Variants in KCNMA1 observed in about 807,000 individuals in gnomAD.
KCNMA1 encodes the protein Calcium-activated potassium channel subunit alpha-1.
KCNMA1 carries 29 observed loss-of-function variants against 140.0 expected under a neutral mutation model. That is an observed-to-expected ratio of 0.21 (90% confidence interval 0.15 to 0.28). The LOEUF is 0.28. KCNMA1 is among the 10% of genes least tolerant of loss of function. The pLI is 1.00. For missense variants in KCNMA1, 880 were observed against 1,602.2 expected, an observed-to-expected ratio of 0.55 and a Z score of 7.70; for synonymous variants, 612 against 611.9, an observed-to-expected ratio of 1.00 and a Z score of 0.00.
At chr10:77,555,495 C>T (rs529623853) in intron 1 of KCNMA1, among the ~76,000 whole-genome samples, 59 of 152,200 alleles carry the variant, frequency 3.9e-4, no homozygotes, top group Non-Finnish European at 7.5e-4. Flanking sequence ...GACACTTCAG[C>T]ATCACCTATT....
At chr10:77,232,890 T>TA (rs2154209927) in intron 3 of KCNMA1, among the ~76,000 whole-genome samples, 1 of 123,522 alleles carries the variant, frequency 8.1e-6, no homozygotes, top group African/African-American at 3.0e-5. Context: ...AGCACCATTT[T>TA]TTTTTTTTTT....
chr10:77,419,071 C>T (rs1233939697), intron 1 of KCNMA1, among the ~76,000 whole-genome samples: 2 of 152,166 alleles, frequency 1.3e-5, no homozygotes, highest in African/African-American at 4.8e-5. Flanking sequence ...ACCTGAAGAC[C>T]CACAATCTCC....
At chr10:77,330,297 A>G (rs1602760595) in intron 2 of KCNMA1, among the ~76,000 whole-genome samples, 1 of 151,808 alleles carries the variant, frequency 6.6e-6, no homozygotes, top group South Asian at 2.1e-4. Flanking sequence ...CAACAGAGCC[A>G]CTCTCCACTC....
rs542036226 is a variant in KCNMA1 at position 76,937,335 on chromosome 10, C to T, written c.2902+7438G>A. On this transcript the variant is annotated intron_variant, in intron 23 of 27. Transcript: ENST00000286628. ...TGTCCAGGCACTGCCCCATTCTGGC[C>T]GTCCTCTTTACAACATTTTTCTGTT... is the stretch of plus-strand genomic sequence containing the variant. Among the ~76,000 whole-genome samples, 49 of 152,314 alleles carry T rather than the reference C, an allele frequency of 3.2e-4. 1 individual carries two copies. The South Asian group carries it at 8.3e-3, about 26-fold the overall frequency.
At chr10:77,038,541 T>A (rs1339268276) in intron 15 of KCNMA1, among the ~76,000 whole-genome samples, 3 of 152,096 alleles carry the variant, frequency 2.0e-5, no homozygotes, top group Non-Finnish European at 4.4e-5. Context: ...ACATCTGAGA[T>A]TTTTTATTAT....
At chr10:77,112,666 A>G (rs982770446) in intron 6 of KCNMA1, among the ~76,000 whole-genome samples, 4 of 152,182 alleles carry the variant, frequency 2.6e-5, no homozygotes, top group Non-Finnish European at 5.9e-5. Flanking sequence ...ATTAACTTTT[A>G]TTTAAAAAAC....
intron 2 of KCNMA1, among the ~76,000 whole-genome samples, chr10:77,360,903 G>A (rs1035964989): frequency 6.6e-6 from 1 of 152,160 alleles, no homozygotes; most frequent in Admixed American, 6.5e-5. Context: ...CTCACTGCCA[G>A]GATGAGGGAG....
At chr10:76,911,307 C>A (rs2050135059) in intron 24 of KCNMA1, 1 of 152,044 alleles carries the variant, frequency 6.6e-6, no homozygotes, top group Non-Finnish European at 1.5e-5. Flanking sequence ...ATCTTGTTTC[C>A]CCAGAGAAAA....
At chr10:77,610,948 A>G (rs2086627620) in intron 1 of KCNMA1, among the ~76,000 whole-genome samples, 1 of 152,250 alleles carries the variant, frequency 6.6e-6, no homozygotes, top group Admixed American at 6.5e-5. Flanking sequence ...TCTGGAGTCC[A>G]ACTGTCCAGG....
chr10:77,033,902 C>T (rs1379475707), intron 15 of KCNMA1, among the ~76,000 whole-genome samples: 4 of 152,158 alleles, frequency 2.6e-5, no homozygotes, highest in Non-Finnish European at 5.9e-5. Context: ...ACTCCCCAAT[C>T]AAGTGGATGA....
At chr10:76,948,908 A>T (rs767040526) in intron 22 of KCNMA1, 2 of 586,618 alleles carry the variant, frequency 3.4e-6, no homozygotes, top group South Asian at 4.0e-5. Flanking sequence ...TACTTGATAC[A>T]AGCTAAACTT....
intron 19 of KCNMA1, among the ~76,000 whole-genome samples, chr10:77,000,652 C>G (rs566825081): frequency 1.3e-3 from 201 of 151,876 alleles, no homozygotes; most frequent in African/African-American, 4.8e-3. Context: ...TGCAAGATAC[C>G]TTAGTTAAAC....
intron 1 of KCNMA1, among the ~76,000 whole-genome samples, chr10:77,443,987 TTA>T (rs1173532867): frequency 6.6e-6 from 1 of 152,188 alleles, no homozygotes; most frequent in Non-Finnish European, 1.5e-5. Context: ...CCTTTACAAA[TTA>T]TATGACTATA....
At chr10:77,107,522 C>T (rs945259735) in intron 9 of KCNMA1, among the ~76,000 whole-genome samples, 2 of 152,194 alleles carry the variant, frequency 1.3e-5, no homozygotes, top group African/African-American at 4.8e-5. Context: ...CCCCCTCTCC[C>T]CCATGGCATT....
chr10:77,333,306 G>A lies in KCNMA1; in HGVS notation c.540+70556C>T, dbSNP rs181215560. ...AGTACTTTGGGAGGATTGAACCCAG[G>A]AGTTTGAGACCAGCCTGTGCAACAT... On this transcript the variant is annotated intron_variant, in intron 2 of 27. Coordinates refer to ENST00000286628, the MANE Select transcript of KCNMA1 (RefSeq NM_001161352.2). Among the ~76,000 whole-genome samples the A allele has an allele frequency of 1.0e-3, 148 of 145,824 alleles. 1 individual carries two copies. Among genetic ancestry groups the A allele is most frequent in the African/African-American group, 3.6e-3 (143 of 39,238 alleles).
At chr10:77,310,985 C>T (rs116188039) in intron 2 of KCNMA1, among the ~76,000 whole-genome samples, 256 of 152,280 alleles carry the variant, frequency 1.7e-3, no homozygotes, top group African/African-American at 5.7e-3. Flanking sequence ...CTCTTCATTG[C>T]AGATTTTCTT....
chr10:76,922,108 T>G (rs1323760373), intron 23 of KCNMA1, among the ~76,000 whole-genome samples: 1 of 152,176 alleles, frequency 6.6e-6, no homozygotes, highest in Non-Finnish European at 1.5e-5. Flanking sequence ...ATGACAGTGC[T>G]TGGAAACTGT....
At chr10:77,509,950 C>T (rs1258358440) in intron 1 of KCNMA1, among the ~76,000 whole-genome samples, 1 of 151,938 alleles carries the variant, frequency 6.6e-6, no homozygotes, top group Non-Finnish European at 1.5e-5. Flanking sequence ...CAAGACCCTA[C>T]AACCTTATGG....
At chr10:77,029,819 A>G (rs952934853) in intron 15 of KCNMA1, among the ~76,000 whole-genome samples, 1 of 152,186 alleles carries the variant, frequency 6.6e-6, no homozygotes, top group Non-Finnish European at 1.5e-5. Flanking sequence ...TCAGCAATAA[A>G]TTCAGTAAGA....
Sources: allele counts gnomAD v4.1 joint callset (sites outside exome capture counted in the v4.1 genomes callset), GRCh38; gene constraint gnomAD v4.1.1; transcripts MANE v1.5; gene names NCBI Gene and HGNC (gene_info 2026-07-23, HGNC 2026-07-21).